The following LPAR1 variants were observed in gnomAD, a reference collection of about 807,000 sequenced individuals.
LPAR1 encodes LPA receptor 1.
In LPAR1, 5 loss-of-function variants were observed where a neutral mutation model predicts 23.8. The observed-to-expected ratio is 0.21, with a 90% CI of 0.11 to 0.44. The LOEUF (loss-of-function observed/expected upper bound fraction) is 0.44. LPAR1 is among the 20% of genes least tolerant of loss of function. The pLI, the probability that LPAR1 is intolerant of heterozygous loss-of-function variation, is 0.99. For synonymous variants in LPAR1, 160 were observed against 164.7 expected (o/e 0.97, Z 0.22); for missense variants, 311 against 482.8 (o/e 0.64, Z 3.33).
intron 5 of LPAR1, among the ~76,000 whole-genome samples, chr9:110,935,051 C>T (rs904712574): frequency 1.3e-5 from 2 of 152,054 alleles, no homozygotes; most frequent in Non-Finnish European, 2.9e-5. Flanking sequence ...AGGGAGATTA[C>T]CAATTGGTTA....
intron 5 of LPAR1, among the ~76,000 whole-genome samples, chr9:110,911,884 G>C (rs1157045278): frequency 6.6e-6 from 1 of 152,150 alleles, no homozygotes; most frequent in Non-Finnish European, 1.5e-5. Flanking sequence ...TTTCCCATAT[G>C]CCTATTTCCC....
chr9:111,035,978 G>C (rs2097885737), intron 2 of LPAR1, 144 bp downstream of exon 2: 1 of 152,164 alleles, frequency 6.6e-6, no homozygotes, highest in Admixed American at 6.5e-5. Context: ...GAACGTTCCA[G>C]TAGGTCACTA....
intron 4 of LPAR1, among the ~76,000 whole-genome samples, chr9:110,971,008 G>A (rs755550762): frequency 7.9e-5 from 12 of 152,116 alleles, no homozygotes; most frequent in Admixed American, 1.3e-4. Context: ...GGTGGCGGGC[G>A]CCTGTAATCT....
At chr9:110,891,060 G>T (rs2084006124) in intron 5 of LPAR1, among the ~76,000 whole-genome samples, 1 of 152,120 alleles carries the variant, frequency 6.6e-6, no homozygotes, top group African/African-American at 2.4e-5. Flanking sequence ...TGACATTCTA[G>T]TCAATGAATT....
chr9:110,926,985 C>G (rs1006973347), intron 5 of LPAR1, among the ~76,000 whole-genome samples: 3 of 152,334 alleles, frequency 2.0e-5, no homozygotes, highest in South Asian at 4.1e-4. Context: ...TTTCAATAGT[C>G]TGGGCTGAGG....
At chr9:111,029,655 TTCA>T (rs1321116197) in intron 2 of LPAR1, among the ~76,000 whole-genome samples, 1 of 152,118 alleles carries the variant, frequency 6.6e-6, no homozygotes, top group African/African-American at 2.4e-5. Flanking sequence ...GTTTACCGTA[TTCA>T]TCACTACCTA....
chr9:110,911,567 A>C (rs564651229), intron 5 of LPAR1, among the ~76,000 whole-genome samples: 44 of 152,340 alleles, frequency 2.9e-4, no homozygotes, highest in Admixed American at 1.8e-3. Flanking sequence ...ATTTGAAAAA[A>C]AAATTAAGAA....
At chr9:111,022,251 T>G (rs1433526306) in intron 2 of LPAR1, among the ~76,000 whole-genome samples, 1 of 152,192 alleles carries the variant, frequency 6.6e-6, no homozygotes, top group Non-Finnish European at 1.5e-5. Context: ...ATAATAGGAC[T>G]GGGAGAATGA....
chr9:110,901,005 G>T lies in LPAR1; in HGVS notation c.794-25283C>A, dbSNP rs1352350938. On this transcript the variant is annotated intron_variant, in intron 5 of 5. Transcript: ENST00000683809. ...TTAAAACAAATCTTTTCTTCAATCT[G>T]TTCCTATAAACTGCTCTTCAGAGTG... Among the ~76,000 whole-genome samples, 3 of 152,150 alleles carry T rather than the reference G, an allele frequency of 2.0e-5. No individual in the cohort carries two copies. The South Asian group carries it at 6.2e-4, about 31-fold the overall frequency.
intron 4 of LPAR1, among the ~76,000 whole-genome samples, chr9:110,951,534 A>C (rs2095568545): frequency 6.6e-6 from 1 of 152,238 alleles, no homozygotes; most frequent in African/African-American, 2.4e-5. Context: ...TCACAAGAAA[A>C]GAAAATTACA....
chr9:110,980,012 T>A (rs560349045), intron 2 of LPAR1, among the ~76,000 whole-genome samples: 28 of 152,126 alleles, frequency 1.8e-4, no homozygotes, highest in African/African-American at 5.8e-4. Context: ...AACAAAAAAT[T>A]TGCAGAAGAG....
intron 5 of LPAR1, among the ~76,000 whole-genome samples, chr9:110,916,793 G>A (rs554440673): frequency 6.6e-6 from 1 of 151,988 alleles, no homozygotes; most frequent in South Asian, 2.1e-4. Context: ...TTATAAAAAA[G>A]GTATATCCAG....
intron 5 of LPAR1, among the ~76,000 whole-genome samples, chr9:110,892,435 G>A (rs1343942367): frequency 1.3e-5 from 2 of 152,156 alleles, no homozygotes; most frequent in Non-Finnish European, 2.9e-5. Flanking sequence ...GGAGGCCGAG[G>A]CAGGTGGATC....
chr9:110,929,698 A>ATGTGTGTGTGTG (rs71371696), intron 5 of LPAR1, among the ~76,000 whole-genome samples: 29 of 146,354 alleles, frequency 2.0e-4, no homozygotes, highest in African/African-American at 6.9e-4. Flanking sequence ...CCAGCCAATA[A>ATGTGTGTGTGTG]TGTGTGTGTG....
intron 4 of LPAR1, among the ~76,000 whole-genome samples, chr9:110,967,486 G>A (rs908208234): frequency 5.9e-5 from 9 of 152,174 alleles, no homozygotes; most frequent in African/African-American, 2.2e-4. Context: ...AATGAATAGA[G>A]TAACAAACAA....
At chr9:110,875,956 T>C (rs496475) in intron 5 of LPAR1, among the ~76,000 whole-genome samples, 1 of 151,896 alleles carries the variant, frequency 6.6e-6, no homozygotes, top group Admixed American at 6.6e-5. Context: ...TTATGAGACA[T>C]TGATGATTAT....
At chr9:110,913,680 CAAGTG>C (rs1424728170) in intron 5 of LPAR1, among the ~76,000 whole-genome samples, 2 of 151,946 alleles carry the variant, frequency 1.3e-5, no homozygotes, top group African/African-American at 4.8e-5. Context: ...TGGAACAAAC[CAAGTG>C]AAGTGGAGTT....
chr9:110,924,035 T>C (rs1166196265), intron 5 of LPAR1, among the ~76,000 whole-genome samples: 2 of 152,096 alleles, frequency 1.3e-5, no homozygotes, highest in South Asian at 2.1e-4. Flanking sequence ...TTTATCATCA[T>C]GAATAAAGAT....
intron 2 of LPAR1, among the ~76,000 whole-genome samples, chr9:110,991,579 T>TGTTGTTGTTG (rs1554724325): frequency 6.8e-4 from 50 of 73,040 alleles, no homozygotes; most frequent in Admixed American, 2.6e-3. Flanking sequence ...TCTGGTTTGT[T>TGTTGTTGTTG]TTGTTGTTGT....
Sources: allele counts gnomAD v4.1 joint callset (sites outside exome capture counted in the v4.1 genomes callset), GRCh38; gene constraint gnomAD v4.1.1; transcripts MANE v1.5; gene names NCBI Gene and HGNC (gene_info 2026-07-23, HGNC 2026-07-21).